The following MCC variants were observed in gnomAD, a reference collection of about 807,000 sequenced individuals.
MCC encodes colorectal mutant cancer protein.
MCC carries 90 observed loss-of-function variants against 116.2 expected under a neutral mutation model. The ratio of observed to expected loss-of-function variants is 0.77; its 90% CI spans 0.65 to 0.92. The LOEUF (loss-of-function observed/expected upper bound fraction) is 0.92, where lower values mean the gene tolerates loss of function less well. MCC is among the 40% of genes least tolerant of loss of function. The pLI is 0.00. For synonymous variants in MCC, 578 were observed against 510.5 expected (o/e 1.13, Z -1.78); for missense variants, 1,516 against 1,312.2 (o/e 1.16, Z -2.40).
chr5:113,309,187 T>C (rs936847693), intron 3 of MCC, among the ~76,000 whole-genome samples: 2 of 152,250 alleles, frequency 1.3e-5, no homozygotes, highest in African/African-American at 4.8e-5. Flanking sequence ...TTTACTGTTA[T>C]ACATTCTTTT....
chr5:113,406,823 G>A (rs994993714), intron 1 of MCC, among the ~76,000 whole-genome samples: 1 of 152,184 alleles, frequency 6.6e-6, no homozygotes, highest in Non-Finnish European at 1.5e-5. Context: ...CCTGCATGCA[G>A]AGAACCTCAG....
intron 5 of MCC, among the ~76,000 whole-genome samples, chr5:113,136,340 TAAG>T (rs1194358735): frequency 1.3e-5 from 2 of 152,118 alleles, no homozygotes; most frequent in Non-Finnish European, 2.9e-5. Flanking sequence ...AGATCTGAAA[TAAG>T]AAAATATAAA....
At chr5:113,220,570 T>C (rs560102332) in intron 3 of MCC, among the ~76,000 whole-genome samples, 2 of 152,348 alleles carry the variant, frequency 1.3e-5, no homozygotes, top group African/African-American at 4.8e-5. Context: ...AAGTATTTCA[T>C]ATTTTTGACA....
intron 15 of MCC, among the ~76,000 whole-genome samples, chr5:113,052,870 C>A (rs1002637423): frequency 6.6e-6 from 1 of 152,170 alleles, no homozygotes; most frequent in Non-Finnish European, 1.5e-5. Flanking sequence ...CTGAAGCTGT[C>A]TAGGGCCCAC....
chr5:113,091,805 A>G (rs979344968), intron 8 of MCC, among the ~76,000 whole-genome samples: 1 of 152,068 alleles, frequency 6.6e-6, no homozygotes, highest in Non-Finnish European at 1.5e-5. Context: ...GGATTGCTTG[A>G]GCCTGGCAGG....
chr5:113,403,735 G>A (rs768192311), intron 1 of MCC, among the ~76,000 whole-genome samples: 2 of 152,214 alleles, frequency 1.3e-5, no homozygotes, highest in Non-Finnish European at 2.9e-5. Flanking sequence ...CCCCCAGCGG[G>A]ATTGCCATCA....
Position 113,030,730 on chromosome 5 carries a change from C to T in MCC, c.2757-1674G>A, listed in dbSNP as rs75031408. ...CACTGGCATGGGAGGATATCTGATA[C>T]ATTAAGCAAAAAGGGTGAGTTCTAA... On this transcript the variant is annotated intron_variant, in intron 17 of 18. Transcript: ENST00000408903. 5.8e-3 allele frequency among the ~76,000 whole-genome samples: 889 copies of T among 152,118 alleles called. 6 individuals carry two copies. The highest frequency in any genetic ancestry group is 0.02 in the African/African-American group (835 of 41,526).
chr5:113,240,123 G>A (rs911861468), intron 3 of MCC, among the ~76,000 whole-genome samples: 2 of 152,172 alleles, frequency 1.3e-5, no homozygotes, highest in Admixed American at 1.3e-4. Context: ...AAGCTGTCAT[G>A]TCGGTCTCTC....
chr5:113,142,207 T>C (rs1759220889), intron 5 of MCC, among the ~76,000 whole-genome samples: 2 of 147,390 alleles, frequency 1.4e-5, no homozygotes, highest in South Asian at 4.2e-4. Flanking sequence ...CAAAGTTTCC[T>C]CTGACTTCTA....
At chr5:113,196,164 C>G (rs143502302) in intron 3 of MCC, among the ~76,000 whole-genome samples, 1 of 152,120 alleles carries the variant, frequency 6.6e-6, no homozygotes, top group Non-Finnish European at 1.5e-5. Flanking sequence ...GGTGAGATAC[C>G]GTAAGTAATG....
intron 3 of MCC, among the ~76,000 whole-genome samples, chr5:113,240,931 G>A (rs183927102): frequency 6.6e-6 from 1 of 152,314 alleles, no homozygotes; most frequent in African/African-American, 2.4e-5. Context: ...GGAGTCAGGT[G>A]AAGAAGACAC....
At chr5:113,454,567 A>G (rs555417354) in intron 1 of MCC, among the ~76,000 whole-genome samples, 50 of 152,342 alleles carry the variant, frequency 3.3e-4, no homozygotes, top group Admixed American at 9.8e-4. Context: ...TATCTTAACA[A>G]TGTTAACAGA....
intron 3 of MCC, among the ~76,000 whole-genome samples, chr5:113,163,431 C>G (rs1044490543): frequency 3.9e-5 from 6 of 152,164 alleles, no homozygotes; most frequent in Admixed American, 3.9e-4. Flanking sequence ...TTCCTAAGTT[C>G]TTTCATGTTG....
At chr5:113,294,090 T>C (rs1425141449) in intron 3 of MCC, among the ~76,000 whole-genome samples, 1 of 152,192 alleles carries the variant, frequency 6.6e-6, no homozygotes, top group Non-Finnish European at 1.5e-5. Flanking sequence ...GGTGAGAGGT[T>C]GTTTCTTTTT....
intron 12 of MCC, among the ~76,000 whole-genome samples, chr5:113,068,759 C>T (rs780401969): frequency 1.3e-5 from 2 of 152,212 alleles, no homozygotes; most frequent in African/African-American, 4.8e-5. Context: ...ATGACTAAGG[C>T]CTCCAGCCAA....
intron 8 of MCC, among the ~76,000 whole-genome samples, chr5:113,097,613 G>A (rs1311813591): frequency 6.6e-6 from 1 of 152,118 alleles, no homozygotes; most frequent in Non-Finnish European, 1.5e-5. Context: ...AACACCAAGG[G>A]GAGGTAGAGT....
At chr5:113,169,146 G>A (rs931617324) in intron 3 of MCC, among the ~76,000 whole-genome samples, 4 of 152,050 alleles carry the variant, frequency 2.6e-5, no homozygotes, top group African/African-American at 7.2e-5. Flanking sequence ...ACACTGATTT[G>A]CATTGCTCTT....
At chr5:113,106,689 T>TA (rs1756753347) in intron 6 of MCC, among the ~76,000 whole-genome samples, 1 of 151,552 alleles carries the variant, frequency 6.6e-6, no homozygotes, top group South Asian at 2.1e-4. Context: ...CCTCCCAAGA[T>TA]GCTGGGACTA....
chr5:113,117,299 TCA>T (rs1046180821), intron 6 of MCC, among the ~76,000 whole-genome samples: 27 of 152,306 alleles, frequency 1.8e-4, no homozygotes, highest in Middle Eastern at 3.4e-3. Context: ...CAAACATATT[TCA>T]CAGTCACAAC....
Sources: gnomAD v4.1 joint callset for allele counts (sites outside exome capture counted in the v4.1 genomes callset) on GRCh38, gnomAD v4.1.1 for gene constraint, MANE v1.5 for transcripts, NCBI Gene and HGNC (gene_info 2026-07-23, HGNC 2026-07-21) for gene names.